LINGO2: variants seen among roughly 807,000 people sequenced by gnomAD.
LINGO2 encodes leucine rich repeat and Ig domain containing 2.
LINGO2 carries 14 observed loss-of-function variants against 30.6 expected under a neutral mutation model. The ratio of observed to expected loss-of-function variants is 0.46; its 90% CI spans 0.30 to 0.72. The LOEUF is 0.72. Ranked by LOEUF, LINGO2 falls within the 30% of genes least tolerant of loss-of-function variation. The pLI is 0.07. For missense variants in LINGO2, 729 were observed against 751.7 expected (o/e 0.97, Z 0.35); for synonymous variants, 317 against 288.5 (o/e 1.10, Z -1.00).
At chr9:28,749,213 G>T in the LINGO2 span, among the ~76,000 whole-genome samples, 1 of 151,886 alleles carries the variant, frequency 6.6e-6, no homozygotes, top group Non-Finnish European at 1.5e-5. Context: ...ATTAGAATCA[G>T]CACTGTGTTC....
In LINGO2 at chr9:28,047,998, A is replaced by G. The variant is rs1824503174; in HGVS notation, c.-86-35593T>C. 2.7e-5 allele frequency among the ~76,000 whole-genome samples: 4 copies of G among 150,608 alleles called. No individual in the cohort carries two copies. The South Asian group carries it at 8.5e-4, about 32-fold the overall frequency. On this transcript the variant is annotated intron_variant, in intron 4 of 5. Coordinates refer to ENST00000379992, the Ensembl canonical transcript of LINGO2. Reference sequence around the variant, plus strand: ...ATGAAAAGTGTGACTGTAATAGAAAATAAAAAGAAAAAATCTAATCACATT... The same window carrying G: ...ATGAAAAGTGTGACTGTAATAGAAAGTAAAAAGAAAAAATCTAATCACATT...
At chr9:28,876,096 C>T in the LINGO2 span, among the ~76,000 whole-genome samples, 9 of 152,134 alleles carry the variant, frequency 5.9e-5, no homozygotes, top group African/African-American at 1.7e-4. Context: ...GGTCTATGGA[C>T]TAATATGGCA....
intron 4 of LINGO2, among the ~76,000 whole-genome samples, chr9:28,043,834 T>A (rs117027395): frequency 0.013 from 1,967 of 152,326 alleles, 32 homozygotes; most frequent in Non-Finnish European, 0.017. Flanking sequence ...GCCTGATAGC[T>A]ACAAAACAAA....
the LINGO2 span, among the ~76,000 whole-genome samples, chr9:28,721,491 G>A: frequency 5.9e-5 from 9 of 152,132 alleles, no homozygotes; most frequent in Admixed American, 5.9e-4. Flanking sequence ...AAAAAAGGAT[G>A]AGTTCATGTC....
intron 2 of LINGO2, among the ~76,000 whole-genome samples, chr9:28,406,087 C>T (rs1366611563): frequency 6.6e-6 from 1 of 152,012 alleles, no homozygotes; most frequent in Non-Finnish European, 1.5e-5. Context: ...TTCAAAATTC[C>T]CTTGACATAT....
chr9:28,334,535 A>G (rs189259137), intron 3 of LINGO2, among the ~76,000 whole-genome samples: 4 of 152,278 alleles, frequency 2.6e-5, no homozygotes, highest in African/African-American at 7.2e-5. Context: ...AAAATGAGTT[A>G]ATAGTAATAA....
intron 4 of LINGO2, among the ~76,000 whole-genome samples, chr9:28,293,027 C>A (rs749162854): frequency 1.3e-5 from 2 of 152,064 alleles, no homozygotes; most frequent in Non-Finnish European, 2.9e-5. Flanking sequence ...CTGCCTTGGC[C>A]TCCCAAAGTG....
intron 1 of LINGO2, among the ~76,000 whole-genome samples, chr9:28,538,284 A>G (rs1291877199): frequency 6.6e-6 from 1 of 152,012 alleles, no homozygotes; most frequent in Non-Finnish European, 1.5e-5. Context: ...TGTATTGTCT[A>G]TAAAAAGTAT....
At chr9:28,932,262 G>T in the LINGO2 span, among the ~76,000 whole-genome samples, 1 of 151,946 alleles carries the variant, frequency 6.6e-6, no homozygotes, top group African/African-American at 2.4e-5. Context: ...CTTTTCTCCT[G>T]AAGTCTGGCA....
intron 2 of LINGO2, among the ~76,000 whole-genome samples, chr9:28,431,029 T>TGAGAGACAGA (rs1647261708): frequency 7.7e-6 from 1 of 129,358 alleles, no homozygotes; most frequent in African/African-American, 3.1e-5. Flanking sequence ...GCATGAGTGA[T>TGAGAGACAGA]GAGAGAGAGA....
At chr9:28,880,195 G>A in the LINGO2 span, among the ~76,000 whole-genome samples, 36 of 152,244 alleles carry the variant, frequency 2.4e-4, no homozygotes, top group Admixed American at 4.6e-4. Flanking sequence ...TGCAACCTCC[G>A]CCTCCCAGGT....
At position 28,441,251 on chromosome 9, in the gene LINGO2, C is replaced by CTTTTTTTTTTTTT. The variant is rs72213590; in HGVS notation, c.-279+34676_-279+34688dup. On this transcript the variant is annotated intron_variant, in intron 2 of 5. Coordinates refer to ENST00000379992, the Ensembl canonical transcript of LINGO2. ...TATAGCAGTATAAATTCATTGGAGG[C>CTTTTTTTTTTTTT]TTTTTTTTTTTTTTTTTTTTTTTTT... Among the ~76,000 whole-genome samples the CTTTTTTTTTTTTT allele has an allele frequency of 3.3e-4, 12 of 36,286 alleles. 3 individuals carry two copies. The highest frequency in any genetic ancestry group is 1.2e-3 in the South Asian group (1 of 810). 23.8% of individuals were successfully genotyped at this position (36,286 alleles called of 152,430 possible).
chr9:28,222,513 A>AT (rs1587259757), intron 4 of LINGO2, among the ~76,000 whole-genome samples: 2 of 148,118 alleles, frequency 1.4e-5, no homozygotes, highest in African/African-American at 2.5e-5. Flanking sequence ...AACTTGACTT[A>AT]GGTAAAGGCA....
upstream of LINGO2, among the ~76,000 whole-genome samples, chr9:28,672,563 C>T (rs188332257): frequency 4.7e-4 from 72 of 152,180 alleles, 1 homozygote; most frequent in African/African-American, 1.2e-3. Context: ...GTTGTATGTT[C>T]CATGAAATAA....
the LINGO2 span, among the ~76,000 whole-genome samples, chr9:28,744,641 T>TGTGTGTGTGTGTGTG: frequency 3.5e-4 from 36 of 104,030 alleles, no homozygotes; most frequent in South Asian, 5.8e-4. Context: ...TGTGTGTGTA[T>TGTGTGTGTGTGTGTG]TTTTTTTTTT....
the LINGO2 span, among the ~76,000 whole-genome samples, chr9:28,676,039 T>A: frequency 6.6e-6 from 1 of 150,558 alleles, no homozygotes; most frequent in African/African-American, 2.4e-5. Context: ...TAATATGATA[T>A]TCCTAACAAA....
At chr9:28,821,565 C>T in the LINGO2 span, among the ~76,000 whole-genome samples, 137 of 152,304 alleles carry the variant, frequency 9.0e-4, no homozygotes, top group Non-Finnish European at 1.6e-3. Context: ...TACCTCAATG[C>T]TGCCATCAAA....
At chr9:29,102,247 A>C in the LINGO2 span, among the ~76,000 whole-genome samples, 2,553 of 152,104 alleles carry the variant, frequency 0.017, 67 homozygotes, top group African/African-American at 0.057. Flanking sequence ...ATGCCCGGCT[A>C]ATTTTTTGTA....
chr9:28,265,689 A>G (rs1233764095), intron 4 of LINGO2, among the ~76,000 whole-genome samples: 1 of 152,010 alleles, frequency 6.6e-6, no homozygotes, highest in East Asian at 1.9e-4. Flanking sequence ...CAAACTGGTG[A>G]TTCTGGATAA....
Sources: gnomAD v4.1 joint callset for allele counts (sites outside exome capture counted in the v4.1 genomes callset) on GRCh38, gnomAD v4.1.1 for gene constraint, MANE v1.5 for transcripts, NCBI Gene and HGNC (gene_info 2026-07-23, HGNC 2026-07-21) for gene names.